Variants in WASF3 observed in about 807,000 individuals in gnomAD.
WASF3 encodes the protein WASP family member 3, also known as actin-binding protein WASF3.
Under a neutral mutation model 46.6 loss-of-function variants are expected in WASF3, and 11 were observed. The ratio of observed to expected loss-of-function variants is 0.24; its 90% CI spans 0.15 to 0.39. The LOEUF (loss-of-function observed/expected upper bound fraction) is 0.39. Among genes scored for constraint, WASF3 ranks in the 10% least tolerant of loss-of-function variants. WASF3 has a pLI of 1.00. For missense variants in WASF3, 576 were observed against 669.8 expected (o/e 0.86, Z 1.55); for synonymous variants, 242 against 259.7 (o/e 0.93, Z 0.65).
the WASF3 span, among the ~76,000 whole-genome samples, chr13:26,542,826 T>G: frequency 6.6e-6 from 1 of 152,222 alleles, no homozygotes; most frequent in Non-Finnish European, 1.5e-5. Flanking sequence ...GCCCTGGGCC[T>G]AGAATAGGTG....
At chr13:26,633,070 T>C (rs1881701772) in intron 2 of WASF3, among the ~76,000 whole-genome samples, 1 of 152,130 alleles carries the variant, frequency 6.6e-6, no homozygotes, top group African/African-American at 2.4e-5. Context: ...TCTTTTCTTC[T>C]TTATTAGTCT....
chr13:26,562,219 G>A lies in WASF3; in HGVS notation c.-109+4400G>A, dbSNP rs114748712. 5.6e-3 allele frequency among the ~76,000 whole-genome samples: 854 copies of A among 152,286 alleles called. 10 individuals carry two copies. Among genetic ancestry groups the A allele is most frequent in the African/African-American group, 0.02 (814 of 41,546 alleles). On this transcript the variant is annotated intron_variant, in intron 1 of 9. Coordinates refer to ENST00000335327, the MANE Select transcript of WASF3 (RefSeq NM_006646.6). ...TAAGAAAAGGAGTGGTGTGGAGTGA[G>A]ATCTGAGGCACTCTTGTGTTTGAAA...
Position 26,688,214 on chromosome 13 carries a change from T to C in WASF3, c.*2369T>C, listed in dbSNP as rs1355372013. ...ATTTAAATCCAGATCTTTTCTAATA[T>C]GGTATTACAATGAAAAGAATAAAGA... On this transcript the variant is annotated 3_prime_UTR_variant, in exon 10 of 10. Coordinates refer to ENST00000335327, the MANE Select transcript of WASF3 (RefSeq NM_006646.6). The C allele has an allele frequency of 6.6e-6, 1 of 152,246 alleles. No homozygotes were observed. Among genetic ancestry groups the C allele is most frequent in the Non-Finnish European group, 1.5e-5 (1 of 68,046 alleles). 9.4% of individuals were successfully genotyped at this position (152,246 alleles called of 1,614,324 possible).
Position 26,652,740 on chromosome 13 carries a change from A to G in WASF3, c.133+10337A>G, listed in dbSNP as rs1882349672. ...ATTTAAAAAATAATCCTTGGGTCAA[A>G]GAAAAACTCAAAAGGGAAGTTAGAA... is the stretch of plus-strand genomic sequence containing the variant. On this transcript the variant is annotated intron_variant, in intron 3 of 9. Coordinates refer to ENST00000335327, the MANE Select transcript of WASF3 (RefSeq NM_006646.6). Among the ~76,000 whole-genome samples the G allele has an allele frequency of 2.0e-5, 3 of 152,252 alleles. No individual in the cohort carries two copies. The South Asian group carries it at 6.2e-4, about 31-fold the overall frequency.
chr13:26,567,144 A>C (rs1879490455), intron 1 of WASF3, among the ~76,000 whole-genome samples: 1 of 152,224 alleles, frequency 6.6e-6, no homozygotes, highest in Non-Finnish European at 1.5e-5. Flanking sequence ...GTGGAGGATC[A>C]AACTGACATG....
chr13:26,642,808 C>T (rs972587055), intron 3 of WASF3, among the ~76,000 whole-genome samples: 2 of 152,104 alleles, frequency 1.3e-5, no homozygotes, highest in Non-Finnish European at 2.9e-5. Context: ...CTGTAATATG[C>T]CTGGCACATA....
intron 3 of WASF3, among the ~76,000 whole-genome samples, chr13:26,655,132 A>G (rs534587770): frequency 5.3e-5 from 8 of 152,306 alleles, no homozygotes; most frequent in African/African-American, 1.7e-4. Context: ...ATACAAATGC[A>G]TGTATGCATA....
intron 3 of WASF3, among the ~76,000 whole-genome samples, chr13:26,661,233 C>T (rs771354691): frequency 6.6e-6 from 1 of 152,236 alleles, no homozygotes; most frequent in African/African-American, 2.4e-5. Context: ...AGAATGTTGT[C>T]ATCCTGCAGA....
chr13:26,547,085 A>G, the WASF3 span, among the ~76,000 whole-genome samples: 1 of 151,686 alleles, frequency 6.6e-6, no homozygotes, highest in African/African-American at 2.4e-5. Flanking sequence ...TTTAATAGAT[A>G]TCATGGTGGT....
rs1483565238 is a variant in WASF3 at position 26,573,779 on chromosome 13, C to T, written c.-109+15960C>T. Among the ~76,000 whole-genome samples, 3 of 152,176 alleles carry T rather than the reference C, an allele frequency of 2.0e-5. No individual in the cohort carries two copies. In the East Asian group the frequency reaches 5.8e-4, roughly 29 times the overall value. On this transcript the variant is annotated intron_variant, in intron 1 of 9. Coordinates refer to ENST00000335327, the MANE Select transcript of WASF3 (RefSeq NM_006646.6). The stretch of plus-strand genomic sequence containing the variant: ...TGAATTCATCCATGAAACCAGTACT[C>T]AGACCATTCCCAGAACTTCAGAAGG...
chr13:26,667,710 G>A (rs753025530), intron 5 of WASF3, 40 bp downstream of exon 5: 2 of 1,589,878 alleles, frequency 1.3e-6, no homozygotes, highest in South Asian at 2.3e-5. Flanking sequence ...CTTGAGATGA[G>A]GGGAGAGCTG....
upstream of WASF3, among the ~76,000 whole-genome samples, chr13:26,554,771 G>T (rs1055159959): frequency 6.6e-6 from 1 of 152,162 alleles, no homozygotes; most frequent in South Asian, 2.1e-4. Context: ...TGGATGTACT[G>T]CAATTTGTTT....
intron 9 of WASF3, among the ~76,000 whole-genome samples, chr13:26,683,714 T>TATTC (rs1883315470): frequency 6.6e-6 from 1 of 152,058 alleles, no homozygotes; most frequent in African/African-American, 2.4e-5. Flanking sequence ...GAATCTATAA[T>TATTC]ATTCAACAGC....
At chr13:26,651,989 A>C (rs1305796900) in intron 3 of WASF3, among the ~76,000 whole-genome samples, 2 of 152,216 alleles carry the variant, frequency 1.3e-5, no homozygotes, top group African/African-American at 4.8e-5. Context: ...CCCAGAAGGC[A>C]AGAAAGGAAG....
chr13:26,669,545 C>T (rs573279891), intron 5 of WASF3, among the ~76,000 whole-genome samples: 11 of 151,278 alleles, frequency 7.3e-5, no homozygotes, highest in South Asian at 6.3e-4. Context: ...TTTTGCTTCA[C>T]TCTTGTTGTC....
intron 1 of WASF3, among the ~76,000 whole-genome samples, chr13:26,592,602 C>G (rs7327833): frequency 0.059 from 8,905 of 152,172 alleles, 682 homozygotes; most frequent in African/African-American, 0.17. Flanking sequence ...CCCATAGGAT[C>G]CAGCTCCCAC....
At position 26,681,116 on chromosome 13, in the gene WASF3, C is replaced by T; in HGVS notation, c.779C>T (p.Pro260Leu). The T allele has an allele frequency of 6.2e-7, 1 of 1,614,236 alleles. No homozygotes were observed. The part of the protein sequence containing the change: ...YPATPNHSLH[P>L]QPVTPSYAAG... ...GCTACTCCCAACCATTCTCTGCACCCCCAGCCTGTGACCCCTTCCTATGCA... is the reference window on the plus strand; with the variant it reads ...GCTACTCCCAACCATTCTCTGCACCTCCAGCCTGTGACCCCTTCCTATGCA... The change falls in exon 8 of 10, where the codon CCC becomes CTC. Residue 260 changes from proline to leucine, a missense_variant. Pro to Leu is a moderately conservative substitution (Grantham distance 98). Coordinates refer to ENST00000335327, the MANE Select transcript of WASF3 (RefSeq NM_006646.6).
chr13:26,564,900 G>GTTTTTTTTTTTTT (rs66809412), intron 1 of WASF3, among the ~76,000 whole-genome samples: 4 of 81,634 alleles, frequency 4.9e-5, no homozygotes, highest in African/African-American at 9.6e-5. Context: ...CAAGGTTGTG[G>GTTTTTTTTTTTTT]TTTTTTTTTT....
At chr13:26,667,952 GAGTA>G (rs1264406070) in intron 5 of WASF3, among the ~76,000 whole-genome samples, 1 of 152,174 alleles carries the variant, frequency 6.6e-6, no homozygotes, top group Non-Finnish European at 1.5e-5. Flanking sequence ...AAGTAGAAGT[GAGTA>G]AGTTGCATAA....
Sources: allele counts gnomAD v4.1 joint callset (sites outside exome capture counted in the v4.1 genomes callset), GRCh38; gene constraint gnomAD v4.1.1; transcripts MANE v1.5; gene names NCBI Gene and HGNC (gene_info 2026-07-23, HGNC 2026-07-21).